The following SP110 variants were observed in gnomAD, a reference collection of about 807,000 sequenced individuals.
SP110 encodes the protein interferon-induced protein 41, 30kD.
Under a neutral mutation model 92.7 loss-of-function variants are expected in SP110, and 62 were observed. The observed-to-expected ratio is 0.67, with a 90% confidence interval of 0.55 to 0.83. SP110 has a LOEUF of 0.83. Ranked by LOEUF, SP110 falls within the 40% of genes least tolerant of loss-of-function variation. SP110 has a pLI of 0.00. For missense variants in SP110, 793 were observed against 863.9 expected, an observed-to-expected ratio of 0.92 and a Z score of 1.03; for synonymous variants, 273 against 305.3, an observed-to-expected ratio of 0.89 and a Z score of 1.10.
intron 12 of SP110, 101 bp from the exon 13 acceptor site, chr2:230,178,356 G>T: frequency 2.7e-6 from 2 of 736,144 alleles, no homozygotes; most frequent in Non-Finnish European, 4.8e-6. Flanking sequence ...GGGTATTGGG[G>T]AACGTTCTCT....
Position 230,183,620 on chromosome 2 carries a change from T to C in SP110, c.1300A>G (p.Ile434Val). The change falls in exon 12 of 19, where the codon ATC becomes GTC. Residue 434 changes from isoleucine to valine, a missense_variant. Physicochemically the swap from Ile to Val is conservative, Grantham distance 29. Transcript: ENST00000258381. The stretch of plus-strand genomic sequence containing the variant: ...AATCTCCTTTTTGAGCTTGAACAGA[T>C]ATCTTTCTCCTTTTTCTTTTCTAAA... ...RLKEKKKEKD[I>V]CSSSKRRFQK... 6.3e-7 allele frequency: 1 copy of C among 1,592,860 alleles called. No homozygotes were observed. Among genetic ancestry groups the C allele is most frequent in the Non-Finnish European group, 8.6e-7 (1 of 1,160,476 alleles).
At chr2:230,179,256 C>T (rs1351506321) in intron 12 of SP110, among the ~76,000 whole-genome samples, 2 of 152,086 alleles carry the variant, frequency 1.3e-5, no homozygotes, top group African/African-American at 4.8e-5. Flanking sequence ...GGATGTGATC[C>T]CCCCGACAGA....
intron 1 of SP110, chr2:230,225,455 T>G: frequency 3.0e-6 from 1 of 328,060 alleles, no homozygotes; most frequent in South Asian, 2.4e-5. Context: ...ATGTCTGGTC[T>G]TCACTTGTCC....
chr2:230,173,661 T>G (rs2106354493), intron 14 of SP110: 1 of 152,424 alleles, frequency 6.6e-6, no homozygotes, highest in South Asian at 2.1e-4. Context: ...TTTCTCCATT[T>G]AACAGCCCAA....
chr2:230,188,345 C>T (rs1012275146), intron 10 of SP110, among the ~76,000 whole-genome samples: 1 of 152,138 alleles, frequency 6.6e-6, no homozygotes, highest in Admixed American at 6.5e-5. Context: ...ATTTTGTAAC[C>T]TGAGACTTTA....
At chr2:230,185,401 G>T (rs888053530) in intron 11 of SP110, among the ~76,000 whole-genome samples, 5 of 152,176 alleles carry the variant, frequency 3.3e-5, no homozygotes, top group African/African-American at 1.2e-4. Flanking sequence ...CAAGTGAAAA[G>T]AAATTCAAAG....
chr2:230,190,345 A>AT (rs55747411), intron 10 of SP110, among the ~76,000 whole-genome samples: 11,391 of 151,228 alleles, frequency 0.075, 607 homozygotes, highest in South Asian at 0.24. Context: ...GGCTACGTAA[A>AT]TTTTTTTTTT....
intron 11 of SP110, among the ~76,000 whole-genome samples, chr2:230,185,448 C>T (rs1382234851): frequency 2.0e-5 from 3 of 152,104 alleles, no homozygotes; most frequent in East Asian, 1.9e-4. Context: ...CACCTTTGGC[C>T]GTCATCATAG....
intron 14 of SP110, among the ~76,000 whole-genome samples, chr2:230,176,223 G>T (rs2041851626): frequency 6.6e-6 from 1 of 151,964 alleles, no homozygotes; most frequent in Admixed American, 6.6e-5. Flanking sequence ...GGATTACATC[G>T]CTCTGTATAG....
At chr2:230,192,612 C>G (rs1486817858) in intron 10 of SP110, among the ~76,000 whole-genome samples, 1 of 152,154 alleles carries the variant, frequency 6.6e-6, no homozygotes, top group African/African-American at 2.4e-5. Flanking sequence ...GAACTACAAA[C>G]CACTCCTCAA....
intron 1 of SP110, 160 bp downstream of exon 1, chr2:230,219,714 C>G (rs561988747): frequency 1.9e-5 from 3 of 158,346 alleles, no homozygotes; most frequent in Non-Finnish European, 4.1e-5. Flanking sequence ...TCCATGTGCC[C>G]CCTTTTAACA....
At chr2:230,222,581 G>T (rs947145095), upstream of SP110, among the ~76,000 whole-genome samples, 7 of 151,832 alleles carry the variant, frequency 4.6e-5, no homozygotes, top group Non-Finnish European at 7.4e-5. Flanking sequence ...TAAATTAATT[G>T]GGCATGTTGG....
rs138119526 is a variant in SP110 at position 230,211,652 on chromosome 2, G to A, written c.668-99C>T. The A allele has an allele frequency of 2.9e-3, 2,348 of 799,154 alleles. 60 individuals carry two copies. The Admixed American group carries it at 0.039, about 13-fold the overall frequency. 49.5% of individuals were successfully genotyped at this position (799,154 alleles called of 1,614,324 possible). ...CTCTATTCCAACAAGTAAAAATGAC[G>A]GGGTAACAGCAACCAAGGCCTGGGA... On this transcript the variant is annotated intron_variant, in intron 5 of 18. Coordinates refer to ENST00000258381, the MANE Select transcript of SP110 (RefSeq NM_080424.4). The surrounding 1 kb of genome is among the most constrained non-coding windows in gnomAD (Gnocchi z 4.2).
At chr2:230,187,384 G>C (rs1483450886) in intron 10 of SP110, among the ~76,000 whole-genome samples, 1 of 152,012 alleles carries the variant, frequency 6.6e-6, no homozygotes, top group Non-Finnish European at 1.5e-5. Flanking sequence ...GTAGACGCTG[G>C]ATATTAATTC....
chr2:230,172,630 T>A (rs2078477194), intron 15 of SP110: 1 of 577,312 alleles, frequency 1.7e-6, no homozygotes, highest in African/African-American at 1.9e-5. Flanking sequence ...GTCCCTGCTG[T>A]CCAGGGAATA....
intron 14 of SP110, chr2:230,173,274 C>T (rs1032564881): frequency 7.1e-5 from 26 of 367,702 alleles, no homozygotes; most frequent in African/African-American, 8.4e-5. Context: ...CCACTCTGGG[C>T]GCATTTGCTG....
chr2:230,172,085 A>G lies in SP110; in HGVS notation c.1796T>C (p.Met599Thr), dbSNP rs1560522274. 6.2e-7 allele frequency: 1 copy of G among 1,607,346 alleles called. No individual in the cohort carries two copies. Among genetic ancestry groups the G allele is most frequent in the Admixed American group, 1.7e-5 (1 of 60,032 alleles). ...ACTCACCAGCTGGTCCTGAGGCTGCATCTGCCTCTCCAGGGTCTTAGATAC... is the reference window on the plus strand; with the variant it reads ...ACTCACCAGCTGGTCCTGAGGCTGCGTCTGCCTCTCCAGGGTCTTAGATAC... ...HHVSKTLERQ[M>T]QPQDQLKCEF... Residue 599 changes from methionine to threonine, a missense_variant, in exon 16 of 19, where the codon ATG (methionine) becomes ACG (threonine). Met to Thr is a moderately conservative substitution (Grantham distance 81). Coordinates refer to ENST00000258381, the MANE Select transcript of SP110 (RefSeq NM_080424.4).
rs200658186 is a variant in SP110, at chr2:230,168,987, T to G, written c.*137A>C. 10 of 732,584 alleles carry G rather than the reference T, an allele frequency of 1.4e-5. No homozygotes were observed. Among genetic ancestry groups the G allele is most frequent in the Non-Finnish European group, 2.0e-5 (8 of 398,772 alleles). 45.4% of individuals were successfully genotyped at this position (732,584 alleles called of 1,614,324 possible). A position where few individuals can be genotyped will look rare whatever the true frequency, so the allele number is the denominator to read the frequency against. On this transcript the variant is annotated 3_prime_UTR_variant, in exon 19 of 19. Coordinates refer to ENST00000258381, the MANE Select transcript of SP110 (RefSeq NM_080424.4). ...GAAAGAATAAAGATGGAGGGTGTGA[T>G]AATCCTATGAAGTGTCTGGGTTTGG... is the stretch of plus-strand genomic sequence containing the variant.
In SP110 at chr2:230,186,068, G is replaced by C; in HGVS notation, c.1205C>G (p.Ser402Ter). Residue 402 changes from serine to a stop codon, truncating the protein, a stop_gained, in exon 11 of 19, where the codon TCA becomes TGA. Coordinates refer to ENST00000258381, the MANE Select transcript of SP110 (RefSeq NM_080424.4). LOFTEE classifies it high-confidence loss of function. ...VDKVTQRKDD[S>*]TWNSEVMMRV... ...CATCATGACCTCTGAGTTCCAGGTT[G>C]AGTCGTCTTTCCTTTGAGTCACCTT... The C allele has an allele frequency of 6.2e-7, 1 of 1,613,974 alleles. No individual in the cohort carries two copies. The highest frequency in any genetic ancestry group is 8.5e-7 in the Non-Finnish European group (1 of 1,179,898).
Sources: gnomAD v4.1 joint callset for allele counts (sites outside exome capture counted in the v4.1 genomes callset) on GRCh38, gnomAD v4.1.1 for gene constraint, Gnocchi (gnomAD v3.1) non-coding constraint, MANE v1.5 for transcripts, NCBI Gene and HGNC (gene_info 2026-07-23, HGNC 2026-07-21) for gene names.